PROK2: variants seen among roughly 807,000 people sequenced by gnomAD.
PROK2 encodes the protein prokineticin 2, also known as prokineticin-2.
Under a neutral mutation model 14.2 loss-of-function variants are expected in PROK2, and 8 were observed. That is an observed-to-expected ratio of 0.56 (90% CI 0.33 to 1.02). PROK2 has a LOEUF of 1.02. Among genes scored for constraint, PROK2 ranks in the 50% least tolerant of loss-of-function variants. The probability of loss-of-function intolerance (pLI) is 0.03; values close to 1 mark genes in which losing one functional copy is unlikely to be tolerated. For missense variants in PROK2, 154 were observed against 160.4 expected, an observed-to-expected ratio of 0.96 and a Z score of 0.22; for synonymous variants, 59 against 60.7, an observed-to-expected ratio of 0.97 and a Z score of 0.13.
At position 71,771,750 on chromosome 3, in the gene PROK2, G is replaced by A. The variant is rs1308387463; in HGVS notation, c.*974C>T. 1 of 152,498 alleles carries A rather than the reference G, an allele frequency of 6.6e-6. No homozygotes were observed. Among genetic ancestry groups the A allele is most frequent in the Non-Finnish European group, 1.5e-5 (1 of 68,022 alleles). The allele number at this position is 152,498 out of a possible 1,614,324, so 9.4% of individuals were successfully genotyped here. On this transcript the variant is annotated 3_prime_UTR_variant, in exon 4 of 4. Coordinates refer to ENST00000295619, the MANE Select transcript of PROK2 (RefSeq NM_001126128.2). Reference sequence around the variant, plus strand: ...ATTTTTACACAGCAATACTGATACAGGTACAAACGGCAATCCATTACAATC... The same window carrying A: ...ATTTTTACACAGCAATACTGATACAAGTACAAACGGCAATCCATTACAATC...
At chr3:71,773,824 C>T (rs1042963022) in intron 3 of PROK2, among the ~76,000 whole-genome samples, 1 of 152,190 alleles carries the variant, frequency 6.6e-6, no homozygotes, top group South Asian at 2.1e-4. Flanking sequence ...GAGGGTCAAC[C>T]GACAGCGAGC....
At chr3:71,777,178 A>G (rs182602630) in intron 2 of PROK2, among the ~76,000 whole-genome samples, 16 of 152,344 alleles carry the variant, frequency 1.1e-4, no homozygotes, top group African/African-American at 3.4e-4. Flanking sequence ...AGAAACCTGT[A>G]TTAGACTAAA....
intron 2 of PROK2, among the ~76,000 whole-genome samples, chr3:71,776,522 C>T (rs2050121501): frequency 6.6e-6 from 1 of 151,962 alleles, no homozygotes. Flanking sequence ...GGACTACAGG[C>T]ATGTGCCACC....
Position 71,772,682 on chromosome 3 carries a change from G to GT in PROK2, c.*41dup, listed in dbSNP as rs2050089082. ...CACAATCACAAGTAAGACTTTACAG[G>GT]TAAGATGTGGCTATTCACATTTGGT... is the stretch of plus-strand genomic sequence containing the variant. On this transcript the variant is annotated 3_prime_UTR_variant, in exon 4 of 4. Coordinates refer to ENST00000295619, the MANE Select transcript of PROK2 (RefSeq NM_001126128.2). 4.6e-6 allele frequency: 7 copies of GT among 1,535,348 alleles called. No homozygotes were observed. The highest frequency in any genetic ancestry group is 3.4e-4 in the Middle Eastern group (2 of 5,926).
intron 2 of PROK2, among the ~76,000 whole-genome samples, chr3:71,776,212 T>C (rs2050116829): frequency 1.3e-5 from 2 of 152,156 alleles, no homozygotes; most frequent in South Asian, 4.2e-4. Context: ...CCTAACATAA[T>C]GATTACACTG....
intron 2 of PROK2, 41 bp downstream of exon 2, chr3:71,781,423 TACC>T (rs1273374204): frequency 6.2e-7 from 1 of 1,606,344 alleles, no homozygotes; most frequent in Non-Finnish European, 8.5e-7. Context: ...TGCTCAGAGT[TACC>T]ACAGTAGAAC....
intron 2 of PROK2, among the ~76,000 whole-genome samples, chr3:71,779,898 T>G (rs1414701130): frequency 6.6e-6 from 1 of 152,188 alleles, no homozygotes; most frequent in Non-Finnish European, 1.5e-5. Flanking sequence ...TGTGAGCCAC[T>G]ATGCCCAGCC....
intron 2 of PROK2, among the ~76,000 whole-genome samples, chr3:71,777,683 T>C (rs1272385463): frequency 6.6e-6 from 1 of 152,068 alleles, no homozygotes; most frequent in Non-Finnish European, 1.5e-5. Context: ...AAATTCAGAA[T>C]ACAATAAGCA....
intron 2 of PROK2, among the ~76,000 whole-genome samples, chr3:71,779,721 C>T (rs1050090478): frequency 2.6e-5 from 4 of 152,192 alleles, no homozygotes; most frequent in Non-Finnish European, 2.9e-5. Context: ...CCTCCCCCAC[C>T]TCAGCCTTCC....
At chr3:71,780,006 T>C (rs1211033735) in intron 2 of PROK2, among the ~76,000 whole-genome samples, 1 of 152,174 alleles carries the variant, frequency 6.6e-6, no homozygotes, top group South Asian at 2.1e-4. Flanking sequence ...AATAAGGGTG[T>C]TGAAAATAAC....
chr3:71,776,085 T>A (rs1170969396), intron 2 of PROK2, among the ~76,000 whole-genome samples: 1 of 152,190 alleles, frequency 6.6e-6, no homozygotes, highest in Non-Finnish European at 1.5e-5. Context: ...GGGACCCTGG[T>A]AGTGTGTTCA....
At chr3:71,775,569 A>G (rs1024367303) in intron 2 of PROK2, among the ~76,000 whole-genome samples, 1 of 152,236 alleles carries the variant, frequency 6.6e-6, no homozygotes, top group African/African-American at 2.4e-5. Context: ...AGAAGGCATC[A>G]TGTATGAATG....
At chr3:71,784,060 T>C (rs2050191172) in intron 1 of PROK2, among the ~76,000 whole-genome samples, 2 of 152,378 alleles carry the variant, frequency 1.3e-5, no homozygotes, top group Non-Finnish European at 1.5e-5. Context: ...AGTAATTTAA[T>C]GAAGGTGTGA....
chr3:71,778,881 G>A (rs2050140592), intron 2 of PROK2, among the ~76,000 whole-genome samples: 1 of 152,112 alleles, frequency 6.6e-6, no homozygotes. Flanking sequence ...TGAAAAGTTA[G>A]AAAATAAAAT....
chr3:71,772,578 T>C lies in PROK2; in HGVS notation c.*146A>G. 1.4e-6 allele frequency: 1 copy of C among 723,106 alleles called. No homozygotes were observed. Among genetic ancestry groups the C allele is most frequent in the South Asian group, 1.8e-5 (1 of 56,564 alleles). 44.8% of individuals were successfully genotyped at this position (723,106 alleles called of 1,614,324 possible). On this transcript the variant is annotated 3_prime_UTR_variant, in exon 4 of 4. Coordinates refer to ENST00000295619, the MANE Select transcript of PROK2 (RefSeq NM_001126128.2). ...TTTCGATAAAAAAAAAAAAAAATCA[T>C]TTACAAATCAAAGATAAAAATGTTA... is the stretch of plus-strand genomic sequence containing the variant.
intron 2 of PROK2, among the ~76,000 whole-genome samples, chr3:71,776,345 T>C (rs187614523): frequency 6.6e-6 from 1 of 150,704 alleles, no homozygotes; most frequent in East Asian, 2.0e-4. Context: ...CTTCTTTTCT[T>C]TTTTTCTTTT....
intron 2 of PROK2, among the ~76,000 whole-genome samples, chr3:71,778,610 A>G (rs1410967732): frequency 6.6e-6 from 1 of 152,232 alleles, no homozygotes; most frequent in East Asian, 1.9e-4. Flanking sequence ...CTACATTTTT[A>G]CTATCTACTA....
At position 71,772,157 on chromosome 3, in the gene PROK2, T is replaced by G. The variant is rs2050084287; in HGVS notation, c.*567A>C. ...TCACATATACACTCTTTTCACTATT[T>G]AAATGCCAGCAAAAAGCTGGATTCC... On this transcript the variant is annotated 3_prime_UTR_variant, in exon 4 of 4. Coordinates refer to ENST00000295619, the MANE Select transcript of PROK2 (RefSeq NM_001126128.2). The G allele has an allele frequency of 1.9e-5, 3 of 160,518 alleles. No individual in the cohort carries two copies. Among genetic ancestry groups the G allele is most frequent in the Admixed American group, 1.8e-4 (3 of 16,434 alleles). The allele number at this position is 160,518 out of a possible 1,614,324, so 9.9% of individuals were successfully genotyped here.
chr3:71,776,363 CATTTTTTTTTTTTT>C (rs928390739), intron 2 of PROK2, among the ~76,000 whole-genome samples: 3 of 92,070 alleles, frequency 3.3e-5, no homozygotes, highest in Non-Finnish European at 6.1e-5. Context: ...TTTCGCTTTT[CATTTTTTTTTTTTT>C]TTTTTTTTTT....
Sources: allele counts gnomAD v4.1 joint callset (sites outside exome capture counted in the v4.1 genomes callset), GRCh38; gene constraint gnomAD v4.1.1; transcripts MANE v1.5; gene names NCBI Gene and HGNC (gene_info 2026-07-23, HGNC 2026-07-21).